POU3F3: variants seen among roughly 807,000 people sequenced by gnomAD.
POU3F3 encodes the protein POU class 3 homeobox 3, also known as POU domain, class 3, transcription factor 3.
POU3F3 carries 1 observed loss-of-function variant against 8.6 expected under a neutral mutation model. That is an observed-to-expected ratio of 0.12 (90% CI 0.04 to 0.55). The LOEUF is 0.55. Among genes scored for constraint, POU3F3 ranks in the 20% least tolerant of loss-of-function variants. POU3F3 has a pLI of 0.91. For synonymous variants in POU3F3, 418 were observed against 327.4 expected, an observed-to-expected ratio of 1.28 and a Z score of -2.99; for missense variants, 577 against 690.7, an observed-to-expected ratio of 0.84 and a Z score of 1.84.
chr2:104,896,259 G>T, the POU3F3 span, among the ~76,000 whole-genome samples: 1 of 152,192 alleles, frequency 6.6e-6, no homozygotes, highest in East Asian at 1.9e-4. Context: ...AGGGGTCCCT[G>T]CATGGAACTT....
At chr2:104,921,172 G>A in the POU3F3 span, among the ~76,000 whole-genome samples, 1 of 152,154 alleles carries the variant, frequency 6.6e-6, no homozygotes, top group Non-Finnish European at 1.5e-5. Flanking sequence ...TGTGTATCTG[G>A]CCAGCAGTGA....
downstream of POU3F3, among the ~76,000 whole-genome samples, chr2:104,863,563 T>G (rs1055588717): frequency 5.9e-5 from 9 of 152,122 alleles, no homozygotes; most frequent in African/African-American, 2.2e-4. Flanking sequence ...AAGGCCTGGC[T>G]GACCCGGGCT....
At chr2:104,868,890 A>C in the POU3F3 span, among the ~76,000 whole-genome samples, 1 of 152,318 alleles carries the variant, frequency 6.6e-6, no homozygotes, top group East Asian at 1.9e-4. Context: ...AAGATTTTCT[A>C]TGTGTGTGTG....
the POU3F3 span, among the ~76,000 whole-genome samples, chr2:104,887,619 C>T: frequency 6.6e-6 from 1 of 152,132 alleles, no homozygotes; most frequent in African/African-American, 2.4e-5. Flanking sequence ...AATGGTTCTA[C>T]CTGCCAAAAA....
chr2:104,891,620 A>C, the POU3F3 span, among the ~76,000 whole-genome samples: 1 of 152,222 alleles, frequency 6.6e-6, no homozygotes, highest in Non-Finnish European at 1.5e-5. Context: ...CCAGTTTCCC[A>C]GGTGGCAGAG....
chr2:104,863,481 G>T (rs977360947), downstream of POU3F3, among the ~76,000 whole-genome samples: 2 of 152,078 alleles, frequency 1.3e-5, no homozygotes, highest in Admixed American at 6.6e-5. Flanking sequence ...CGTTCTGGGG[G>T]TGCAGCCTCC....
the POU3F3 span, among the ~76,000 whole-genome samples, chr2:104,904,326 A>G: frequency 6.6e-6 from 1 of 152,176 alleles, no homozygotes; most frequent in African/African-American, 2.4e-5. Flanking sequence ...AACCTATTAC[A>G]GTATAGTCTA....
At chr2:104,860,751 C>T (rs1230986161), downstream of POU3F3, among the ~76,000 whole-genome samples, 7 of 121,050 alleles carry the variant, frequency 5.8e-5, no homozygotes, top group Admixed American at 1.9e-4. Context: ...TGTTGCTCTG[C>T]CTTTTTTTTT....
chr2:104,890,173 G>A, the POU3F3 span, among the ~76,000 whole-genome samples: 2 of 152,194 alleles, frequency 1.3e-5, no homozygotes, highest in African/African-American at 2.4e-5. Flanking sequence ...ACAGGGTGGA[G>A]CCACGAGAAG....
At chr2:104,910,120 TA>T in the POU3F3 span, among the ~76,000 whole-genome samples, 4 of 152,334 alleles carry the variant, frequency 2.6e-5, no homozygotes, top group African/African-American at 9.6e-5. Context: ...GCTTTGGTGA[TA>T]ATTAAGTATC....
chr2:104,874,743 T>A, the POU3F3 span, among the ~76,000 whole-genome samples: 3 of 152,226 alleles, frequency 2.0e-5, no homozygotes, highest in Non-Finnish European at 2.9e-5. Context: ...ATACGCAGAT[T>A]AGAATACCTA....
downstream of POU3F3, among the ~76,000 whole-genome samples, chr2:104,860,002 G>A (rs184678938): frequency 9.2e-5 from 14 of 152,220 alleles, no homozygotes; most frequent in Non-Finnish European, 1.8e-4. Context: ...GATACTACTG[G>A]CACGTGAGAT....
the POU3F3 span, among the ~76,000 whole-genome samples, chr2:104,911,928 T>C: frequency 2.6e-5 from 4 of 152,120 alleles, no homozygotes; most frequent in Admixed American, 2.6e-4. Context: ...TATAATATTA[T>C]TATATTAAAA....
At chr2:104,901,533 G>A in the POU3F3 span, among the ~76,000 whole-genome samples, 1 of 152,214 alleles carries the variant, frequency 6.6e-6, no homozygotes, top group African/African-American at 2.4e-5. Flanking sequence ...GTGACAGCAT[G>A]TCACCATTGC....
the POU3F3 span, among the ~76,000 whole-genome samples, chr2:104,918,779 G>T: frequency 1.3e-5 from 2 of 152,054 alleles, no homozygotes; most frequent in African/African-American, 4.8e-5. Context: ...TGTTAGGGTA[G>T]CCCTACTAGG....
the POU3F3 span, among the ~76,000 whole-genome samples, chr2:104,897,812 G>A: frequency 6.6e-6 from 1 of 152,202 alleles, no homozygotes; most frequent in African/African-American, 2.4e-5. Context: ...GAAATGCTGG[G>A]TGGATATGAC....
At chr2:104,865,564 G>A in the POU3F3 span, 1 of 152,294 alleles carries the variant, frequency 6.6e-6, no homozygotes, top group East Asian at 1.9e-4. Context: ...TGTCCTGCAG[G>A]ACTGCCTCTC....
chr2:104,879,621 T>C, the POU3F3 span, among the ~76,000 whole-genome samples: 1 of 152,120 alleles, frequency 6.6e-6, no homozygotes, highest in African/African-American at 2.4e-5. Flanking sequence ...GGGGTGGCCC[T>C]GAAGTGGGGT....
the POU3F3 span, among the ~76,000 whole-genome samples, chr2:104,893,502 C>T: frequency 2.6e-5 from 4 of 152,342 alleles, no homozygotes; most frequent in Non-Finnish European, 2.9e-5. Context: ...GGAAAAGAAA[C>T]GTCTTGGACC....
Sources: allele counts gnomAD v4.1 joint callset (sites outside exome capture counted in the v4.1 genomes callset), GRCh38; gene constraint gnomAD v4.1.1; transcripts MANE v1.5; gene names NCBI Gene and HGNC (gene_info 2026-07-23, HGNC 2026-07-21).